The following CPLANE1 variants were observed in gnomAD, a reference collection of about 807,000 sequenced individuals.
CPLANE1 encodes the protein ciliogenesis and planar polarity effector complex subunit 1.
In CPLANE1, 263 loss-of-function variants were observed where a neutral mutation model predicts 362.5. That is an observed-to-expected ratio of 0.73 (90% CI 0.66 to 0.80). The LOEUF is 0.80. Ranked by LOEUF, CPLANE1 falls within the 30% of genes least tolerant of loss-of-function variation. The pLI, the probability that CPLANE1 is intolerant of heterozygous loss-of-function variation, is 0.00. For missense variants in CPLANE1, 3,461 were observed against 3,793.4 expected (o/e 0.91, Z 2.30); for synonymous variants, 1,212 against 1,302.6 (o/e 0.93, Z 1.50).
chr5:37,127,758 C>T (rs147126716), intron 46 of CPLANE1, among the ~76,000 whole-genome samples: 358 of 152,040 alleles, frequency 2.4e-3, no homozygotes, highest in Middle Eastern at 0.01. Context: ...TCAGGTGATC[C>T]GCCCACCTTG....
At chr5:37,185,229 G>GT in intron 24 of CPLANE1, 150 bp from the exon 25 acceptor site, 1 of 643,762 alleles carries the variant, frequency 1.6e-6, no homozygotes, top group South Asian at 2.4e-5. Flanking sequence ...GTTTTCTTCA[G>GT]TATTTACTGG....
At chr5:37,159,536 T>A (rs989344735) in intron 38 of CPLANE1, among the ~76,000 whole-genome samples, 5 of 152,218 alleles carry the variant, frequency 3.3e-5, no homozygotes, top group Non-Finnish European at 7.3e-5. Flanking sequence ...GCTTCTTATT[T>A]AACAGTAAAA....
rs779680371 is a variant in CPLANE1 at position 37,244,434 on chromosome 5, GA to G, written c.510del (p.Leu171SerfsTer11). The G allele has an allele frequency of 1.6e-5, 25 of 1,551,208 alleles. No homozygotes were observed. The highest frequency in any genetic ancestry group is 2.1e-5 in the Non-Finnish European group (24 of 1,146,886). ...TCTTTATCTTCGGTGGAAGGCAAGAGAACTGCTTCTTCAGGTATGACCTGGG... is the reference window on the plus strand; with the variant it reads ...TCTTTATCTTCGGTGGAAGGCAAGAGACTGCTTCTTCAGGTATGACCTGGG... ...RWSQVIPEEA[V>X]LLPSTEDKEA... On this transcript the variant is annotated frameshift_variant, in exon 5 of 53. Coordinates refer to ENST00000651892, the MANE Select transcript of CPLANE1 (RefSeq NM_001384732.1).
chr5:37,242,805 C>G (rs938011362), intron 6 of CPLANE1, among the ~76,000 whole-genome samples: 15 of 142,888 alleles, frequency 1.0e-4, no homozygotes, highest in African/African-American at 3.7e-4. Flanking sequence ...GGCAGGAGGA[C>G]TGCTTGAGCC....
intron 8 of CPLANE1, among the ~76,000 whole-genome samples, chr5:37,235,333 C>T (rs936575657): frequency 2.6e-5 from 4 of 151,940 alleles, no homozygotes; most frequent in Non-Finnish European, 5.9e-5. Context: ...AATTATAAAA[C>T]GCTGATAAGA....
chr5:37,142,541 A>G (rs1229676062), intron 43 of CPLANE1, 61 bp from the exon 44 acceptor site: 10 of 1,145,452 alleles, frequency 8.7e-6, no homozygotes, highest in African/African-American at 3.2e-5. Context: ...ATCACATGGA[A>G]AAGACAATTG....
chr5:37,098,916 C>T, the CPLANE1 span, among the ~76,000 whole-genome samples: 1 of 133,258 alleles, frequency 7.5e-6, no homozygotes, highest in African/African-American at 3.0e-5. Flanking sequence ...GCAGTAAATG[C>T]CTACATCAAA....
downstream of CPLANE1, among the ~76,000 whole-genome samples, chr5:37,105,928 C>T (rs1757564425): frequency 6.6e-6 from 1 of 152,138 alleles, no homozygotes; most frequent in Admixed American, 6.5e-5. Context: ...TATTACTAAT[C>T]ATCAGAAAAA....
intron 21 of CPLANE1, among the ~76,000 whole-genome samples, chr5:37,193,617 T>C (rs367652511): frequency 6.6e-6 from 1 of 152,172 alleles, no homozygotes; most frequent in Admixed American, 6.5e-5. Flanking sequence ...ATTGTGCCAC[T>C]GCACTCCAGC....
chr5:37,132,354 T>G (rs1016370850), intron 46 of CPLANE1, among the ~76,000 whole-genome samples: 84 of 142,266 alleles, frequency 5.9e-4, no homozygotes, highest in East Asian at 2.0e-3. Flanking sequence ...TTTTTTTTTT[T>G]TTTTTTTTGA....
chr5:37,245,862 G>A lies in CPLANE1; in HGVS notation c.82-17C>T. The A allele has an allele frequency of 6.7e-7, 1 of 1,502,762 alleles. No individual in the cohort carries two copies. Among genetic ancestry groups the A allele is most frequent in the Non-Finnish European group, 8.9e-7 (1 of 1,129,254 alleles). 93.1% of individuals were successfully genotyped at this position (1,502,762 alleles called of 1,614,324 possible). On this transcript the variant is annotated splice_polypyrimidine_tract_variant and intron_variant, in intron 2 of 52. Coordinates refer to ENST00000651892, the MANE Select transcript of CPLANE1 (RefSeq NM_001384732.1). ...TTCTTTTTCCTAAGAGAAGAAACAT[G>A]TGAAGGACTCAAGAGGTGCCAGAAA...
At chr5:37,134,794 C>CTTT (rs372028750) in intron 46 of CPLANE1, among the ~76,000 whole-genome samples, 1 of 133,136 alleles carries the variant, frequency 7.5e-6, no homozygotes. Context: ...AAACTTTCCA[C>CTTT]TTTTTTTTTT....
intron 15 of CPLANE1, among the ~76,000 whole-genome samples, chr5:37,218,940 C>T (rs1794756758): frequency 6.7e-6 from 1 of 149,356 alleles, no homozygotes; most frequent in Admixed American, 6.6e-5. Context: ...AAGAGCGAAA[C>T]TCCATCTCAA....
intron 19 of CPLANE1, among the ~76,000 whole-genome samples, chr5:37,201,289 A>G (rs1336856235): frequency 6.6e-6 from 1 of 152,202 alleles, no homozygotes; most frequent in African/African-American, 2.4e-5. Flanking sequence ...TAATTTTAAC[A>G]TTTATTGAAT....
At chr5:37,210,199 C>G in intron 16 of CPLANE1, 1 of 1,517,500 alleles carries the variant, frequency 6.6e-7, no homozygotes, top group East Asian at 2.3e-5. Context: ...GAGATTGAAA[C>G]AAAAGAGATT....
intron 51 of CPLANE1, among the ~76,000 whole-genome samples, chr5:37,112,633 T>C (rs1048332156): frequency 6.6e-6 from 1 of 152,188 alleles, no homozygotes; most frequent in African/African-American, 2.4e-5. Flanking sequence ...CACCAAACAG[T>C]GTCTACAGAG....
intron 28 of CPLANE1, among the ~76,000 whole-genome samples, chr5:37,179,724 T>C (rs907508341): frequency 1.3e-5 from 2 of 152,064 alleles, no homozygotes; most frequent in African/African-American, 4.8e-5. Context: ...GTTTATAGAG[T>C]TGCTTCACAG....
At chr5:37,102,679 C>T (rs535900077), downstream of CPLANE1, among the ~76,000 whole-genome samples, 1 of 152,298 alleles carries the variant, frequency 6.6e-6, no homozygotes. Context: ...AGGAGTCATT[C>T]AGGAGCAGGT....
rs79017317 is a variant in CPLANE1 at position 37,181,218 on chromosome 5, T to C, written c.5422-213A>G. ...AAAGCAAATCTGACTACCTAAATAG[T>C]ATTCAAAAGAAATCAGCCTTACAAA... On this transcript the variant is annotated intron_variant, in intron 26 of 52. Coordinates refer to ENST00000651892, the MANE Select transcript of CPLANE1 (RefSeq NM_001384732.1). Among the ~76,000 whole-genome samples the C allele has an allele frequency of 2.8e-3, 424 of 152,270 alleles. 1 individual carries two copies. Among genetic ancestry groups the C allele is most frequent in the Non-Finnish European group, 5.1e-3 (345 of 68,026 alleles).
Sources: allele counts gnomAD v4.1 joint callset (sites outside exome capture counted in the v4.1 genomes callset), GRCh38; gene constraint gnomAD v4.1.1; transcripts MANE v1.5; gene names NCBI Gene and HGNC (gene_info 2026-07-23, HGNC 2026-07-21).